The following NBEA variants were observed in gnomAD, a reference collection of about 807,000 sequenced individuals.
NBEA encodes the protein lysosomal-trafficking regulator 2.
A neutral mutation model predicts 343.4 loss-of-function variants in NBEA; 44 were observed. That is an observed-to-expected ratio of 0.13 (90% CI 0.10 to 0.16). The LOEUF (loss-of-function observed/expected upper bound fraction) is 0.16, where lower values mean the gene tolerates loss of function less well. NBEA is among the 10% of genes least tolerant of loss of function. NBEA has a pLI of 1.00. For missense variants in NBEA, 2,555 were observed against 3,631.3 expected, an observed-to-expected ratio of 0.70 and a Z score of 7.62; for synonymous variants, 1,175 against 1,238.7, an observed-to-expected ratio of 0.95 and a Z score of 1.08.
intron 34 of NBEA, among the ~76,000 whole-genome samples, chr13:35,242,115 A>G (rs2152779061): frequency 6.6e-6 from 1 of 152,052 alleles, no homozygotes. Flanking sequence ...ATAATTTAAA[A>G]CAACTGTCTT....
rs762246571 is a variant in NBEA, at chr13:35,665,206, A to C, written c.8464+20A>C. ...CTAAAGGTCAGAAGTCATTTCTTTCATTTTCAATGTCTAGAAGATGACTGT... is the reference window on the plus strand; with the variant it reads ...CTAAAGGTCAGAAGTCATTTCTTTCCTTTTCAATGTCTAGAAGATGACTGT... On this transcript the variant is annotated intron_variant, in intron 56 of 58. Coordinates refer to ENST00000379939, the MANE Select transcript of NBEA (RefSeq NM_001385012.1). 2 of 1,536,432 alleles carry C rather than the reference A, an allele frequency of 1.3e-6. No homozygotes were observed. Among genetic ancestry groups the C allele is most frequent in the African/African-American group, 2.7e-5 (2 of 73,444 alleles).
At chr13:35,110,675 TA>T (rs548293242) in intron 12 of NBEA, 134 bp from the exon 13 acceptor site, 4 of 523,716 alleles carry the variant, frequency 7.6e-6, no homozygotes, top group Non-Finnish European at 1.2e-5. Flanking sequence ...AGAAGAAAGT[TA>T]TTTTTAACCT....
At chr13:35,641,766 C>A (rs1055233684) in intron 49 of NBEA, among the ~76,000 whole-genome samples, 1 of 151,922 alleles carries the variant, frequency 6.6e-6, no homozygotes, top group South Asian at 2.1e-4. Context: ...GATATGGAAC[C>A]TTCTAGTTCC....
chr13:35,609,582 C>A (rs2082415034), intron 48 of NBEA, among the ~76,000 whole-genome samples: 1 of 152,098 alleles, frequency 6.6e-6, no homozygotes, highest in African/African-American at 2.4e-5. Flanking sequence ...AAGCATAGGG[C>A]ATTTGGCGTT....
Position 35,472,063 on chromosome 13 carries a change from A to T in NBEA, c.6449-337A>T, listed in dbSNP as rs141173635. ...TAGGGTCTCTGGAAAAGCCAGTGAT[A>T]CTCAATGGAGAATTGGGGCATTTGT... On this transcript the variant is annotated intron_variant, in intron 40 of 58. Transcript: ENST00000379939. 5.3e-5 allele frequency among the ~76,000 whole-genome samples: 8 copies of T among 152,112 alleles called. No homozygotes were observed. The East Asian group carries it at 1.6e-3, about 30-fold the overall frequency.
intron 38 of NBEA, among the ~76,000 whole-genome samples, chr13:35,386,510 T>G (rs2042249796): frequency 6.6e-6 from 1 of 152,180 alleles, no homozygotes; most frequent in Non-Finnish European, 1.5e-5. Flanking sequence ...AATTTTTCTC[T>G]TTTTAATTCT....
At chr13:35,158,586 A>G (rs1169975856) in intron 21 of NBEA, among the ~76,000 whole-genome samples, 1 of 152,140 alleles carries the variant, frequency 6.6e-6, no homozygotes, top group Non-Finnish European at 1.5e-5. Flanking sequence ...TTTTAACATC[A>G]GTTGTTGGGA....
At chr13:35,088,017 C>G (rs2064864309) in intron 10 of NBEA, among the ~76,000 whole-genome samples, 1 of 151,918 alleles carries the variant, frequency 6.6e-6, no homozygotes, top group South Asian at 2.1e-4. Flanking sequence ...TTTATATTTT[C>G]CAGGCATTAG....
At chr13:35,115,520 A>G (rs1241812773) in intron 13 of NBEA, among the ~76,000 whole-genome samples, 3 of 151,966 alleles carry the variant, frequency 2.0e-5, no homozygotes, top group Admixed American at 1.3e-4. Flanking sequence ...ATTATTTTTT[A>G]CTATGTTTTA....
intron 17 of NBEA, among the ~76,000 whole-genome samples, chr13:35,139,743 C>CGTTTTT (rs2067967109): frequency 1.8e-5 from 1 of 55,144 alleles, no homozygotes; most frequent in Non-Finnish European, 3.4e-5. Flanking sequence ...TGATGGATGG[C>CGTTTTT]GTTTTTTTTT....
At chr13:35,412,233 A>G (rs1018517978) in intron 38 of NBEA, among the ~76,000 whole-genome samples, 6 of 152,190 alleles carry the variant, frequency 3.9e-5, no homozygotes, top group Admixed American at 2.0e-4. Flanking sequence ...ACAAACCCAC[A>G]GCATTGCGGT....
At chr13:35,508,770 T>C (rs1189364383) in intron 41 of NBEA, among the ~76,000 whole-genome samples, 2 of 152,156 alleles carry the variant, frequency 1.3e-5, no homozygotes, top group Admixed American at 1.3e-4. Flanking sequence ...ACATCTGATC[T>C]AGGATCTAGG....
chr13:34,978,932 AT>A (rs1224149787), intron 1 of NBEA, among the ~76,000 whole-genome samples: 1 of 152,136 alleles, frequency 6.6e-6, no homozygotes, highest in African/African-American at 2.4e-5. Flanking sequence ...ATATTCACCC[AT>A]GAGTCATTTT....
At position 35,203,862 on chromosome 13, in the gene NBEA, A is replaced by G. The variant is rs79896063; in HGVS notation, c.5367-4838A>G. ...AGTGTGTATAGATTCTATGTAGTAT[A>G]AAAGAATTATCCACTTTCTTGTAGT... On this transcript the variant is annotated intron_variant, in intron 31 of 58. Coordinates refer to ENST00000379939, the MANE Select transcript of NBEA (RefSeq NM_001385012.1). Among the ~76,000 whole-genome samples, 752 of 152,326 alleles carry G rather than the reference A, an allele frequency of 4.9e-3. 8 individuals are homozygous for G. Among genetic ancestry groups the G allele is most frequent in the African/African-American group, 0.017 (724 of 41,574 alleles).
At chr13:35,150,923 C>G (rs1391353568) in intron 18 of NBEA, among the ~76,000 whole-genome samples, 2 of 151,658 alleles carry the variant, frequency 1.3e-5, no homozygotes, top group African/African-American at 2.4e-5. Flanking sequence ...TAAGACCAGC[C>G]TATCCAACAT....
intron 45 of NBEA, among the ~76,000 whole-genome samples, chr13:35,577,032 G>A (rs1464938927): frequency 6.6e-6 from 1 of 152,082 alleles, no homozygotes; most frequent in African/African-American, 2.4e-5. Flanking sequence ...CTGGATCCAA[G>A]TGCCCACCAG....
chr13:35,063,556 A>T (rs923331631), intron 8 of NBEA, among the ~76,000 whole-genome samples: 1 of 152,038 alleles, frequency 6.6e-6, no homozygotes, highest in Non-Finnish European at 1.5e-5. Context: ...GTCAAGGAAG[A>T]TTAATTCAGA....
At chr13:34,969,863 G>A (rs1297036037) in intron 1 of NBEA, among the ~76,000 whole-genome samples, 1 of 151,900 alleles carries the variant, frequency 6.6e-6, no homozygotes, top group Non-Finnish European at 1.5e-5. Flanking sequence ...ACATATGCAT[G>A]CATGTGCCTC....
At chr13:35,480,037 G>T (rs1181346340) in intron 41 of NBEA, among the ~76,000 whole-genome samples, 12 of 126,446 alleles carry the variant, frequency 9.5e-5, no homozygotes, top group East Asian at 4.6e-4. Context: ...AGGCAGGCTC[G>T]ATTTAAAATG....
Sources: allele counts gnomAD v4.1 joint callset (sites outside exome capture counted in the v4.1 genomes callset), GRCh38; gene constraint gnomAD v4.1.1; transcripts MANE v1.5; gene names NCBI Gene and HGNC (gene_info 2026-07-23, HGNC 2026-07-21).